Variants in PPFIBP2 observed in about 807,000 individuals in gnomAD.
PPFIBP2 encodes PPFIB scaffold protein 2.
In PPFIBP2, 118 loss-of-function variants were observed where a neutral mutation model predicts 118.3. The observed-to-expected ratio is 1.00, with a 90% CI of 0.86 to 1.16. PPFIBP2 has a LOEUF of 1.16. Among genes scored for constraint, PPFIBP2 ranks in the 50% most tolerant of loss-of-function variants. The pLI is 0.00. For synonymous variants in PPFIBP2, 414 were observed against 397.4 expected, an observed-to-expected ratio of 1.04 and a Z score of -0.50; for missense variants, 1,195 against 1,073.1, an observed-to-expected ratio of 1.11 and a Z score of -1.59.
chr11:7,564,048 C>G (rs1341711954), intron 2 of PPFIBP2, among the ~76,000 whole-genome samples: 1 of 152,082 alleles, frequency 6.6e-6, no homozygotes, highest in East Asian at 1.9e-4. Context: ...CACCTGCAGT[C>G]CCAGCTACTC....
At chr11:7,613,110 G>A (rs554534195) in intron 6 of PPFIBP2, among the ~76,000 whole-genome samples, 2 of 152,058 alleles carry the variant, frequency 1.3e-5, no homozygotes, top group Non-Finnish European at 2.9e-5. Flanking sequence ...TCCCCCTCAG[G>A]TGTGAGATAG....
downstream of PPFIBP2, among the ~76,000 whole-genome samples, chr11:7,658,007 A>G (rs1854800008): frequency 6.6e-6 from 1 of 152,212 alleles, no homozygotes; most frequent in Non-Finnish European, 1.5e-5. Context: ...TGCCAGGGCT[A>G]GAGATACAGG....
chr11:7,625,386 T>C (rs1264924656), intron 7 of PPFIBP2, among the ~76,000 whole-genome samples: 3 of 152,052 alleles, frequency 2.0e-5, no homozygotes, highest in African/African-American at 7.3e-5. Flanking sequence ...AATGTTACTG[T>C]ATGAGTGAGT....
the PPFIBP2 span, chr11:7,666,783 C>T: frequency 4.8e-6 from 2 of 413,512 alleles, no homozygotes; most frequent in Non-Finnish European, 8.9e-6. Flanking sequence ...ATGTAGGTTC[C>T]CATGGAGCTG....
intron 1 of PPFIBP2, among the ~76,000 whole-genome samples, chr11:7,515,614 G>A (rs1322034055): frequency 6.6e-6 from 1 of 152,234 alleles, no homozygotes; most frequent in Non-Finnish European, 1.5e-5. Flanking sequence ...TGGGCAGGCA[G>A]GCATGGACTC....
chr11:7,657,114 T>C (rs960301376), downstream of PPFIBP2: 1 of 243,088 alleles, frequency 4.1e-6, no homozygotes, highest in Admixed American at 4.8e-5. Context: ...CTCGTGATAT[T>C]CCTGGTGACA....
Position 7,648,495 on chromosome 11 carries a change from T to G in PPFIBP2, c.1755T>G (p.Ser585=). 1 of 1,614,102 alleles carries G rather than the reference T, an allele frequency of 6.2e-7. No individual in the cohort carries two copies. The highest frequency in any genetic ancestry group is 8.5e-7 in the Non-Finnish European group (1 of 1,180,032). The change falls in exon 18 of 24, where the codon TCT becomes TCG. Residue 585 remains serine (S), a synonymous_variant. Coordinates refer to ENST00000299492, the MANE Select transcript of PPFIBP2 (RefSeq NM_003621.5). ...YVIFARQWVS[S]GHTLLTATPQ... ...TCTTTGCCAGGCAGTGGGTATCTTC[T>G]GGCCACACCTTATTGACAGCCACCC...
intron 1 of PPFIBP2, among the ~76,000 whole-genome samples, chr11:7,527,225 C>G (rs567836289): frequency 2.6e-5 from 4 of 152,038 alleles, no homozygotes; most frequent in African/African-American, 9.6e-5. Flanking sequence ...TTCAAGTAGG[C>G]TGAGGTTTTG....
chr11:7,552,662 G>A (rs920242725), intron 2 of PPFIBP2, among the ~76,000 whole-genome samples: 1 of 152,078 alleles, frequency 6.6e-6, no homozygotes, highest in Non-Finnish European at 1.5e-5. Flanking sequence ...CCCTTACCAC[G>A]GCCAGCAAGG....
At position 7,525,215 on chromosome 11, in the gene PPFIBP2, G is replaced by A. The variant is rs575166201; in HGVS notation, c.-37+11094G>A. Among the ~76,000 whole-genome samples, 18 of 151,926 alleles carry A rather than the reference G, an allele frequency of 1.2e-4. No homozygotes were observed. In the South Asian group the frequency reaches 1.5e-3, roughly 12 times the overall value. ...GGAGGGTTTGAATCAGACAGTCCTCGATTAAAATAGCTCTACACCAATTCG... is the reference window on the plus strand; with the variant it reads ...GGAGGGTTTGAATCAGACAGTCCTCAATTAAAATAGCTCTACACCAATTCG... On this transcript the variant is annotated intron_variant, in intron 1 of 23. Transcript: ENST00000299492.
At chr11:7,527,539 A>G (rs905741074) in intron 1 of PPFIBP2, among the ~76,000 whole-genome samples, 1 of 152,166 alleles carries the variant, frequency 6.6e-6, no homozygotes, top group Non-Finnish European at 1.5e-5. Flanking sequence ...TGATGGGACC[A>G]CAAGATGAAC....
intron 17 of PPFIBP2, among the ~76,000 whole-genome samples, chr11:7,646,166 A>T (rs911376370): frequency 2.6e-5 from 4 of 152,242 alleles, no homozygotes; most frequent in African/African-American, 9.6e-5. Context: ...TTTCTTGCTG[A>T]GTTTACATGA....
chr11:7,557,729 A>G lies in PPFIBP2; in HGVS notation c.65-7824A>G, dbSNP rs1208379428. ...CTATCATTTTGAGCGCTCTTTTTGAATAATCCTAGCATTCTAGAGCAGTTG... is the reference window on the plus strand; with the variant it reads ...CTATCATTTTGAGCGCTCTTTTTGAGTAATCCTAGCATTCTAGAGCAGTTG... On this transcript the variant is annotated intron_variant, in intron 2 of 23. Coordinates refer to ENST00000299492, the MANE Select transcript of PPFIBP2 (RefSeq NM_003621.5). Among the ~76,000 whole-genome samples, 2 of 152,106 alleles carry G rather than the reference A, an allele frequency of 1.3e-5. 1 individual carries two copies. The highest frequency in any genetic ancestry group is 4.1e-4 in the South Asian group (2 of 4,822).
At chr11:7,602,564 T>G (rs1368684731) in intron 5 of PPFIBP2, among the ~76,000 whole-genome samples, 1 of 152,186 alleles carries the variant, frequency 6.6e-6, no homozygotes, top group Non-Finnish European at 1.5e-5. Context: ...TACATGGAGC[T>G]GGTGGTCAAA....
intron 1 of PPFIBP2, among the ~76,000 whole-genome samples, chr11:7,536,579 G>A (rs1397609071): frequency 3.3e-5 from 5 of 152,038 alleles, no homozygotes; most frequent in African/African-American, 1.2e-4. Context: ...ATGAGAGAAG[G>A]GGAATCAAGT....
At chr11:7,599,846 A>T (rs1355561084) in intron 5 of PPFIBP2, among the ~76,000 whole-genome samples, 7 of 133,298 alleles carry the variant, frequency 5.3e-5, no homozygotes, top group Non-Finnish European at 1.1e-4. Flanking sequence ...GGGTTTCACC[A>T]TGTTAGCCAG....
At chr11:7,528,777 G>A (rs1850435204) in intron 1 of PPFIBP2, among the ~76,000 whole-genome samples, 1 of 152,198 alleles carries the variant, frequency 6.6e-6, no homozygotes, top group African/African-American at 2.4e-5. Context: ...CAGATCACAT[G>A]TTCAAGCTCT....
At chr11:7,567,184 G>GT (rs150260119) in intron 3 of PPFIBP2, among the ~76,000 whole-genome samples, 1,708 of 152,226 alleles carry the variant, frequency 0.011, 24 homozygotes, top group South Asian at 0.038. Context: ...ACAGATAACT[G>GT]TTCACCTGTA....
chr11:7,531,504 G>A (rs74377058), intron 1 of PPFIBP2, among the ~76,000 whole-genome samples: 5,174 of 152,302 alleles, frequency 0.034, 112 homozygotes, highest in Non-Finnish European at 0.051. Flanking sequence ...GGAATATTGG[G>A]AACTGTGCTT....
Sources: allele counts gnomAD v4.1 joint callset (sites outside exome capture counted in the v4.1 genomes callset), GRCh38; gene constraint gnomAD v4.1.1; transcripts MANE v1.5; gene names NCBI Gene and HGNC (gene_info 2026-07-23, HGNC 2026-07-21).